The following DGKI variants were observed in gnomAD, a reference collection of about 807,000 sequenced individuals.
DGKI encodes DAG kinase iota.
DGKI carries 55 observed loss-of-function variants against 147.5 expected under a neutral mutation model. That is an observed-to-expected ratio of 0.37 (90% CI 0.30 to 0.47). The LOEUF (loss-of-function observed/expected upper bound fraction) is 0.47, where lower values mean the gene tolerates loss of function less well. Ranked by LOEUF, DGKI falls within the 20% of genes least tolerant of loss-of-function variation. DGKI has a pLI of 1.00. For missense variants in DGKI, 1,007 were observed against 1,323.8 expected (o/e 0.76, Z 3.71); for synonymous variants, 469 against 477.1 (o/e 0.98, Z 0.22).
At chr7:137,845,448 G>A (rs1380429036) in intron 1 of DGKI, among the ~76,000 whole-genome samples, 2 of 152,194 alleles carry the variant, frequency 1.3e-5, no homozygotes, top group African/African-American at 4.8e-5. Flanking sequence ...TTACAAGAAT[G>A]TTTTCACTGA....
intron 19 of DGKI, among the ~76,000 whole-genome samples, chr7:137,554,108 T>C (rs1585225168): frequency 2.0e-5 from 3 of 152,338 alleles, no homozygotes; most frequent in Non-Finnish European, 4.4e-5. Context: ...CCTACCGGCA[T>C]TTCACAATCA....
chr7:137,564,793 T>C (rs1818527651), intron 19 of DGKI, among the ~76,000 whole-genome samples: 1 of 152,238 alleles, frequency 6.6e-6, no homozygotes, highest in Non-Finnish European at 1.5e-5. Flanking sequence ...TTTCAACATC[T>C]GTTGGATATT....
At chr7:137,406,389 C>T (rs762733933) in intron 30 of DGKI, among the ~76,000 whole-genome samples, 1 of 152,124 alleles carries the variant, frequency 6.6e-6, no homozygotes, top group Non-Finnish European at 1.5e-5. Context: ...AAAATACATC[C>T]TATCTACCTA....
intron 7 of DGKI, 85 bp from the exon 8 acceptor site, chr7:137,620,025 A>T: frequency 1.5e-6 from 1 of 665,716 alleles, no homozygotes; most frequent in Non-Finnish European, 2.5e-6. Context: ...ACACGCACAC[A>T]CACACACACA....
chr7:137,751,013 C>A (rs1173973772), intron 1 of DGKI, among the ~76,000 whole-genome samples: 1 of 152,184 alleles, frequency 6.6e-6, no homozygotes, highest in South Asian at 2.1e-4. Context: ...AGTAGATGAT[C>A]TGTAAAGGCC....
chr7:137,398,296 C>A (rs1305928426), intron 30 of DGKI, among the ~76,000 whole-genome samples: 2 of 152,302 alleles, frequency 1.3e-5, no homozygotes, highest in East Asian at 3.9e-4. Context: ...TGACACGTAA[C>A]AAACCGTTTT....
intron 27 of DGKI, among the ~76,000 whole-genome samples, chr7:137,446,354 G>T (rs1432487637): frequency 6.6e-6 from 1 of 152,194 alleles, no homozygotes; most frequent in Non-Finnish European, 1.5e-5. Context: ...CATATGCCTG[G>T]CTTTGTGGAA....
chr7:137,680,742 T>C (rs1334978234), intron 2 of DGKI, among the ~76,000 whole-genome samples: 2 of 151,786 alleles, frequency 1.3e-5, no homozygotes, highest in South Asian at 4.2e-4. Context: ...GATTGTGCCA[T>C]TGCACTCCAG....
chr7:137,523,446 C>CTCTG (rs982204961), intron 20 of DGKI, among the ~76,000 whole-genome samples: 3 of 146,548 alleles, frequency 2.0e-5, no homozygotes, highest in Non-Finnish European at 4.4e-5. Context: ...CTCTCTCTCT[C>CTCTG]TCTCTCACAC....
At chr7:137,763,150 C>A (rs951617337) in intron 1 of DGKI, among the ~76,000 whole-genome samples, 2 of 152,202 alleles carry the variant, frequency 1.3e-5, no homozygotes, top group African/African-American at 4.8e-5. Context: ...GTAAGGACTG[C>A]AAAGGACTGG....
chr7:137,671,114 A>G (rs990745759), intron 3 of DGKI, among the ~76,000 whole-genome samples: 2 of 152,174 alleles, frequency 1.3e-5, no homozygotes, highest in Non-Finnish European at 2.9e-5. Context: ...AATCATTTTC[A>G]TTTTTAAACA....
In DGKI at chr7:137,485,354, G is replaced by A. The variant is rs1476782421; in HGVS notation, c.2373+20C>T. 2 of 1,593,104 alleles carry A rather than the reference G, an allele frequency of 1.3e-6. No homozygotes were observed. The highest frequency in any genetic ancestry group is 2.2e-5 in the East Asian group (1 of 44,520). ...ATTTGGCCAGAAGGTAAGAAACAAG[G>A]AGAGTCAATTATTTGTTACCTGGTA... On this transcript the variant is annotated intron_variant, in intron 23 of 32. Coordinates refer to ENST00000614521, the MANE Select transcript of DGKI (RefSeq NM_001321708.2).
intron 1 of DGKI, among the ~76,000 whole-genome samples, chr7:137,785,652 C>T (rs1796648096): frequency 1.3e-5 from 2 of 151,940 alleles, no homozygotes; most frequent in African/African-American, 2.4e-5. Context: ...AATACCAAAA[C>T]CAGGGAAGGA....
intron 29 of DGKI, among the ~76,000 whole-genome samples, chr7:137,411,136 G>C (rs1046951711): frequency 1.3e-5 from 2 of 152,182 alleles, no homozygotes; most frequent in Non-Finnish European, 2.9e-5. Flanking sequence ...AGGGCTATTG[G>C]TTCCTTGATC....
intron 28 of DGKI, among the ~76,000 whole-genome samples, chr7:137,423,557 C>G (rs981410596): frequency 2.0e-5 from 3 of 152,150 alleles, no homozygotes; most frequent in Non-Finnish European, 4.4e-5. Context: ...TAAGTATGTA[C>G]TAGAGCTCAA....
At chr7:137,435,089 A>G (rs976518252) in intron 28 of DGKI, among the ~76,000 whole-genome samples, 25 of 152,316 alleles carry the variant, frequency 1.6e-4, no homozygotes, top group African/African-American at 6.0e-4. Flanking sequence ...GGATTCAAAG[A>G]TGTGTAATGA....
At chr7:137,617,425 T>C (rs1820573299) in intron 8 of DGKI, among the ~76,000 whole-genome samples, 1 of 152,082 alleles carries the variant, frequency 6.6e-6, no homozygotes, top group Non-Finnish European at 1.5e-5. Flanking sequence ...AAAAAAGATA[T>C]ATTTTAGACA....
intron 19 of DGKI, among the ~76,000 whole-genome samples, chr7:137,561,181 C>T (rs1818407280): frequency 6.6e-6 from 1 of 151,014 alleles, no homozygotes; most frequent in Non-Finnish European, 1.5e-5. Context: ...GCCTAGGTGT[C>T]CAACAACAAA....
intron 1 of DGKI, among the ~76,000 whole-genome samples, chr7:137,717,590 G>T (rs1206969501): frequency 6.6e-6 from 1 of 152,068 alleles, no homozygotes; most frequent in African/African-American, 2.4e-5. Context: ...ATTTTTATGT[G>T]TGTGTGTACA....
Sources: gnomAD v4.1 joint callset for allele counts (sites outside exome capture counted in the v4.1 genomes callset) on GRCh38, gnomAD v4.1.1 for gene constraint, MANE v1.5 for transcripts, NCBI Gene and HGNC (gene_info 2026-07-23, HGNC 2026-07-21) for gene names.